The following HS3ST3B1 variants were observed in gnomAD, a reference collection of about 807,000 sequenced individuals.
HS3ST3B1 encodes the protein heparan sulfate glucosamine 3-O-sulfotransferase 3B1.
A neutral mutation model predicts 21.3 loss-of-function variants in HS3ST3B1; 13 were observed. The observed-to-expected ratio is 0.61, with a 90% CI of 0.40 to 0.97. The LOEUF (loss-of-function observed/expected upper bound fraction) is 0.97, where lower values mean the gene tolerates loss of function less well. Among genes scored for constraint, HS3ST3B1 ranks in the 50% least tolerant of loss-of-function variants. The probability of loss-of-function intolerance (pLI) is 0.00; values close to 1 mark genes in which losing one functional copy is unlikely to be tolerated. For synonymous variants in HS3ST3B1, 234 were observed against 254.8 expected, an observed-to-expected ratio of 0.92 and a Z score of 0.78; for missense variants, 459 against 554.8, an observed-to-expected ratio of 0.83 and a Z score of 1.73.
At chr17:14,309,261 G>A (rs1419457996) in intron 1 of HS3ST3B1, among the ~76,000 whole-genome samples, 1 of 152,220 alleles carries the variant, frequency 6.6e-6, no homozygotes, top group Non-Finnish European at 1.5e-5. Flanking sequence ...CTGGCCCGGG[G>A]GCCGCTGAGC....
intron 1 of HS3ST3B1, among the ~76,000 whole-genome samples, chr17:14,335,857 T>A (rs1490808649): frequency 6.6e-6 from 1 of 152,196 alleles, no homozygotes; most frequent in Non-Finnish European, 1.5e-5. Context: ...TAAGTGGATT[T>A]GGGGGAATGC....
intron 1 of HS3ST3B1, among the ~76,000 whole-genome samples, chr17:14,326,921 C>CAAAAAAAAA (rs60800866): frequency 4.8e-4 from 29 of 60,392 alleles, no homozygotes; most frequent in South Asian, 1.3e-3. Flanking sequence ...AACTCTGTCT[C>CAAAAAAAAA]AAAAAAAAAA....
chr17:14,339,119 C>T (rs1464503771), intron 1 of HS3ST3B1, among the ~76,000 whole-genome samples: 1 of 152,040 alleles, frequency 6.6e-6, no homozygotes, highest in Non-Finnish European at 1.5e-5. Context: ...GTGATATGTG[C>T]CAGGTTTACG....
chr17:14,313,267 C>T (rs892197066), intron 1 of HS3ST3B1, among the ~76,000 whole-genome samples: 1 of 151,574 alleles, frequency 6.6e-6, no homozygotes, highest in Non-Finnish European at 1.5e-5. Flanking sequence ...TGAACCTGGC[C>T]AAAAATGTCT....
intron 1 of HS3ST3B1, chr17:14,305,571 T>G (rs1209589639): frequency 6.6e-6 from 1 of 152,246 alleles, no homozygotes; most frequent in Admixed American, 6.5e-5. Context: ...GACCTCAGTT[T>G]GGGAATTAAG....
chr17:14,333,642 C>T (rs146159914), intron 1 of HS3ST3B1, among the ~76,000 whole-genome samples: 2 of 151,374 alleles, frequency 1.3e-5, no homozygotes, highest in Non-Finnish European at 2.9e-5. Context: ...GGGATGTCTT[C>T]GGGCAGGGGG....
intron 1 of HS3ST3B1, among the ~76,000 whole-genome samples, chr17:14,309,233 C>T (rs533230637): frequency 1.3e-5 from 2 of 152,350 alleles, no homozygotes; most frequent in African/African-American, 2.4e-5. Flanking sequence ...GCCCTGGTGT[C>T]GCGCGGGATC....
chr17:14,301,993 G>C lies in HS3ST3B1; in HGVS notation c.475G>C (p.Val159Leu). Residue 159 changes from valine to leucine, a missense_variant, in exon 1 of 2, where the codon GTG becomes CTG. Val to Leu is a conservative substitution (Grantham distance 32). Around this residue, in one of 3 missense-constraint regions of HS3ST3B1, gnomAD observed 317 missense variants for 278.6 expected, o/e 1.14. Coordinates refer to ENST00000360954, the MANE Select transcript of HS3ST3B1 (RefSeq NM_006041.3). ...GCGGGCGCTGCTGGAGTTTCTGCGCGTGCACCCCGACGTGCGCGCCGTGGG... is the reference window on the plus strand; with the variant it reads ...GCGGGCGCTGCTGGAGTTTCTGCGCCTGCACCCCGACGTGCGCGCCGTGGG... ...GTRALLEFLRVHPDVRAVGAE... is the reference protein window; with the variant it reads ...GTRALLEFLRLHPDVRAVGAE... 1.9e-6 allele frequency: 3 copies of C among 1,609,532 alleles called. No individual in the cohort carries two copies. The highest frequency in any genetic ancestry group is 2.5e-6 in the Non-Finnish European group (3 of 1,179,050).
intron 1 of HS3ST3B1, chr17:14,327,186 T>G (rs928056481): frequency 2.0e-5 from 3 of 152,492 alleles, no homozygotes; most frequent in Non-Finnish European, 4.4e-5. Flanking sequence ...TCCTTTCCTC[T>G]TGCTGCTACC....
At chr17:14,312,039 A>G (rs574668132) in intron 1 of HS3ST3B1, among the ~76,000 whole-genome samples, 1 of 152,296 alleles carries the variant, frequency 6.6e-6, no homozygotes, top group South Asian at 2.1e-4. Context: ...TTACTTTTCC[A>G]GGAGCTTTCC....
intron 1 of HS3ST3B1, among the ~76,000 whole-genome samples, chr17:14,310,941 G>A (rs1398757899): frequency 6.6e-6 from 1 of 152,166 alleles, no homozygotes; most frequent in Admixed American, 6.5e-5. Flanking sequence ...AGAGAGAAAG[G>A]CAGTGAAGTG....
chr17:14,316,841 CAG>C (rs1380002184), intron 1 of HS3ST3B1, among the ~76,000 whole-genome samples: 1 of 152,230 alleles, frequency 6.6e-6, no homozygotes, highest in Non-Finnish European at 1.5e-5. Flanking sequence ...AGCCTTTTAA[CAG>C]AGAGAGATGG....
At position 14,330,550 on chromosome 17, in the gene HS3ST3B1, G is replaced by GGTGTGTGTGTGTGTGTGT. The variant is rs60767866; in HGVS notation, c.555-14461_555-14444dup. 1.6e-3 allele frequency among the ~76,000 whole-genome samples: 234 copies of GGTGTGTGTGTGTGTGTGT among 144,162 alleles called. No homozygotes were observed. In the Middle Eastern group the frequency reaches 0.021, roughly 13 times the overall value. 94.6% of individuals were successfully genotyped at this position (144,162 alleles called of 152,430 possible). A position where few individuals can be genotyped will look rare whatever the true frequency, so the allele number is the denominator to read the frequency against. On this transcript the variant is annotated intron_variant, in intron 1 of 1. Transcript: ENST00000360954. ...TGTCCTGTTTCTCTCCTGGTTTCCC[G>GGTGTGTGTGTGTGTGTGT]GTGTGTGTGTGTGTGTGTGTGTGTG...
chr17:14,338,511 C>T (rs1339198037), intron 1 of HS3ST3B1, among the ~76,000 whole-genome samples: 1 of 151,578 alleles, frequency 6.6e-6, no homozygotes, highest in South Asian at 2.1e-4. Flanking sequence ...GGCACCATCT[C>T]GGCTCACTGC....
chr17:14,340,447 C>T (rs1910338899), intron 1 of HS3ST3B1, among the ~76,000 whole-genome samples: 1 of 152,120 alleles, frequency 6.6e-6, no homozygotes, highest in South Asian at 2.1e-4. Flanking sequence ...CCCACTTGCC[C>T]ATGCTGTATT....
At position 14,301,919 on chromosome 17, in the gene HS3ST3B1, G is replaced by A. The variant is rs764398371; in HGVS notation, c.401G>A (p.Ser134Asn). The A allele has an allele frequency of 6.2e-7, 1 of 1,609,354 alleles. No homozygotes were observed. The highest frequency in any genetic ancestry group is 8.5e-7 in the Non-Finnish European group (1 of 1,178,596). Residue 134 changes from serine to asparagine, a missense_variant, in exon 1 of 2, where the codon AGC becomes AAC. Ser to Asn is a conservative substitution (Grantham distance 46, BLOSUM62 1). Around this residue, in one of 3 missense-constraint regions of HS3ST3B1, gnomAD observed 317 missense variants for 278.6 expected, o/e 1.14. Coordinates refer to ENST00000360954, the MANE Select transcript of HS3ST3B1 (RefSeq NM_006041.3). The part of the protein sequence containing the change: ...PISSFFSGSG[S>N]KQLPQAIIIG... ...TCCAGCTTTTTCAGTGGGTCTGGGA[G>A]CAAGCAGCTGCCGCAGGCCATCATC...
At chr17:14,317,316 C>CATTT (rs1216078459) in intron 1 of HS3ST3B1, among the ~76,000 whole-genome samples, 1 of 152,184 alleles carries the variant, frequency 6.6e-6, no homozygotes, top group Non-Finnish European at 1.5e-5. Flanking sequence ...GTCTACCATT[C>CATTT]ATTCATTCAT....
intron 1 of HS3ST3B1, among the ~76,000 whole-genome samples, chr17:14,305,924 A>G (rs1909125219): frequency 6.6e-6 from 1 of 152,148 alleles, no homozygotes; most frequent in South Asian, 2.1e-4. Flanking sequence ...AGGTTAAGCA[A>G]TTTGCCCAAG....
rs2037755315 is a variant in HS3ST3B1 at position 14,345,943 on chromosome 17, T to C, written c.*297T>C. ...AAGCACAACTTGAGATTTTTGTTGTTACGGGTATTCAGCCTTCAGTCACCG... is the reference window on the plus strand; with the variant it reads ...AAGCACAACTTGAGATTTTTGTTGTCACGGGTATTCAGCCTTCAGTCACCG... On this transcript the variant is annotated 3_prime_UTR_variant, in exon 2 of 2. Transcript: ENST00000360954. The C allele has an allele frequency of 3.1e-6, 1 of 325,900 alleles. No individual in the cohort carries two copies. The highest frequency in any genetic ancestry group is 2.2e-5 in the African/African-American group (1 of 46,166). 20.2% of individuals were successfully genotyped at this position (325,900 alleles called of 1,614,324 possible). A position where few individuals can be genotyped will look rare whatever the true frequency, so the allele number is the denominator to read the frequency against.
Sources: allele counts gnomAD v4.1 joint callset (sites outside exome capture counted in the v4.1 genomes callset), GRCh38; gene constraint gnomAD v4.1.1; regional missense constraint gnomAD v4.1.1; transcripts MANE v1.5; gene names NCBI Gene and HGNC (gene_info 2026-07-23, HGNC 2026-07-21).